The following KTN1 variants were observed in gnomAD, a reference collection of about 807,000 sequenced individuals.
KTN1 encodes kinectin.
A neutral mutation model predicts 222.5 loss-of-function variants in KTN1; 130 were observed. That is an observed-to-expected ratio of 0.58 (90% CI 0.51 to 0.68). The LOEUF (loss-of-function observed/expected upper bound fraction) is 0.68, where lower values mean the gene tolerates loss of function less well. KTN1 is among the 30% of genes least tolerant of loss of function. The pLI is 0.00. For synonymous variants in KTN1, 512 were observed against 496.3 expected (o/e 1.03, Z -0.42); for missense variants, 1,508 against 1,500.4 (o/e 1.01, Z -0.08).
At chr14:55,583,760 G>C (rs13379353) in intron 1 of KTN1, among the ~76,000 whole-genome samples, 12,236 of 152,096 alleles carry the variant, frequency 0.08, 521 homozygotes, top group South Asian at 0.12. Context: ...TTCCACATGT[G>C]CTGTTAGGCC....
chr14:55,677,458 CAG>C (rs952319740), intron 41 of KTN1, among the ~76,000 whole-genome samples: 3 of 119,270 alleles, frequency 2.5e-5, no homozygotes, highest in African/African-American at 1.0e-4. Context: ...GCCTGGGTGA[CAG>C]AGAAAGACTG....
rs371172462 is a variant in KTN1, at chr14:55,620,754, G to C, written c.963+1442G>C. Among the ~76,000 whole-genome samples the C allele has an allele frequency of 5.3e-5, 8 of 152,174 alleles. No homozygotes were observed. In the East Asian group the frequency reaches 1.4e-3, roughly 26 times the overall value. On this transcript the variant is annotated intron_variant, in intron 5 of 43. Coordinates refer to ENST00000395314, the MANE Select transcript of KTN1 (RefSeq NM_001079521.2). The stretch of plus-strand genomic sequence containing the variant: ...CTCAGGAAACCATTTTTTCTTCCTA[G>C]GTCTCCAGCCCATGATAGGAGGGCC...
chr14:55,673,121 A>C, intron 39 of KTN1, 51 bp from the exon 40 acceptor site: 1 of 1,518,480 alleles, frequency 6.6e-7, no homozygotes, highest in East Asian at 2.3e-5. Context: ...TAGCATACAA[A>C]ACATGGGCTA....
chr14:55,673,254 T>G lies in KTN1; in HGVS notation c.3770T>G (p.Leu1257Trp), dbSNP rs1462877732. 1 of 1,606,708 alleles carries G rather than the reference T, an allele frequency of 6.2e-7. No individual in the cohort carries two copies. Among genetic ancestry groups the G allele is most frequent in the East Asian group, 2.2e-5 (1 of 44,744 alleles). The change falls in exon 40 of 44, where the codon TTG becomes TGG. Residue 1257 changes from leucine to tryptophan, a missense_variant and splice_region_variant. Transcript: ENST00000395314. Reference sequence around the variant, plus strand: ...GTAAGACAGAATGAAGAGCTAAATTTGGTAAGAAGCTTGTCCTCCACTGGG... The same window carrying G: ...GTAAGACAGAATGAAGAGCTAAATTGGGTAAGAAGCTTGTCCTCCACTGGG... Reference protein sequence around the residue: ...EAVRQNEELNLLKAQLNETLT... With the variant: ...EAVRQNEELNWLKAQLNETLT...
chr14:55,603,125 TCTCA>T (rs948158515), intron 1 of KTN1, among the ~76,000 whole-genome samples: 4 of 152,308 alleles, frequency 2.6e-5, no homozygotes, highest in Non-Finnish European at 4.4e-5. Context: ...AAACATTGCC[TCTCA>T]CTCCTGCATC....
chr14:55,634,485 T>G (rs964715668), intron 8 of KTN1, 41 bp from the exon 9 acceptor site: 6 of 1,538,328 alleles, frequency 3.9e-6, no homozygotes, highest in Middle Eastern at 1.7e-4. Context: ...TTATATATAT[T>G]TGTAATAACG....
chr14:55,658,653 C>A, intron 30 of KTN1, 39 bp downstream of exon 30: 1 of 1,259,638 alleles, frequency 7.9e-7, no homozygotes, highest in Non-Finnish European at 1.1e-6. Flanking sequence ...ACTTACGTGG[C>A]AAAAAAATTA....
At chr14:55,658,657 A>G (rs1566817838) in intron 30 of KTN1, 43 bp downstream of exon 30, 1 of 1,149,942 alleles carries the variant, frequency 8.7e-7, no homozygotes, top group Non-Finnish European at 1.3e-6. Context: ...ACGTGGCAAA[A>G]AAATTATATA....
chr14:55,650,534 CA>C, intron 23 of KTN1, 34 bp from the exon 24 acceptor site: 1 of 1,562,432 alleles, frequency 6.4e-7, no homozygotes, highest in Non-Finnish European at 8.8e-7. Flanking sequence ...TCTGTGTTTC[CA>C]TTGTCCAATC....
chr14:55,654,449 G>A (rs2043250207), intron 28 of KTN1, among the ~76,000 whole-genome samples: 1 of 151,886 alleles, frequency 6.6e-6, no homozygotes, highest in African/African-American at 2.4e-5. Flanking sequence ...TTATTTGCTT[G>A]GAAAGCTTAG....
chr14:55,656,071 G>A lies in KTN1; in HGVS notation c.2831G>A (p.Arg944Lys). The A allele has an allele frequency of 6.2e-7, 1 of 1,610,274 alleles. No homozygotes were observed. The highest frequency in any genetic ancestry group is 8.5e-7 in the Non-Finnish European group (1 of 1,177,200). ...AAAGAAAAGGAAAATGAATTGAAGAGGTTAGAAGCCATGCTAAAAGAGAGG... is the reference window on the plus strand; with the variant it reads ...AAAGAAAAGGAAAATGAATTGAAGAAGTTAGAAGCCATGCTAAAAGAGAGG... The part of the protein sequence containing the change: ...VLKEKENELK[R>K]LEAMLKERES... The change falls in exon 29 of 44, where the codon AGG becomes AAG. Residue 944 changes from arginine (R) to lysine (K), a missense_variant. Arg to Lys is a conservative substitution (Grantham distance 26, BLOSUM62 2). Coordinates refer to ENST00000395314, the MANE Select transcript of KTN1 (RefSeq NM_001079521.2).
chr14:55,602,585 CTT>C (rs565184612), intron 1 of KTN1, among the ~76,000 whole-genome samples: 22 of 144,388 alleles, frequency 1.5e-4, no homozygotes, highest in Admixed American at 2.1e-4. Context: ...TCAACACTGT[CTT>C]TTTTTTTTTT....
At chr14:55,642,560 G>A (rs947997069) in intron 18 of KTN1, among the ~76,000 whole-genome samples, 1 of 152,148 alleles carries the variant, frequency 6.6e-6, no homozygotes, top group Non-Finnish European at 1.5e-5. Flanking sequence ...GGAAGTTTGC[G>A]TTTGTTCCTA....
intron 35 of KTN1, 130 bp downstream of exon 35, chr14:55,670,939 G>C (rs2045388970): frequency 1.8e-6 from 1 of 545,394 alleles, no homozygotes; most frequent in Non-Finnish European, 3.2e-6. Flanking sequence ...GTAAGAAGGT[G>C]ATTTCATTTT....
At chr14:55,675,958 T>C (rs1486708838) in intron 41 of KTN1, 40 bp downstream of exon 41, 1 of 1,358,228 alleles carries the variant, frequency 7.4e-7, no homozygotes, top group Non-Finnish European at 1.0e-6. Flanking sequence ...ATCATGAGCC[T>C]GTGTTGTGTG....
At chr14:55,658,342 T>C (rs1200042939) in intron 29 of KTN1, among the ~76,000 whole-genome samples, 1 of 152,206 alleles carries the variant, frequency 6.6e-6, no homozygotes, top group Non-Finnish European at 1.5e-5. Flanking sequence ...TTTTGTTCCA[T>C]TGAGACATGC....
intron 1 of KTN1, among the ~76,000 whole-genome samples, chr14:55,611,424 G>A (rs1422967866): frequency 6.6e-6 from 1 of 151,998 alleles, no homozygotes; most frequent in African/African-American, 2.4e-5. Flanking sequence ...AATGCAAAAT[G>A]CCACATCCTA....
chr14:55,651,999 A>G (rs2042970529), intron 25 of KTN1, 72 bp downstream of exon 25: 1 of 955,912 alleles, frequency 1.0e-6, no homozygotes, highest in Admixed American at 2.5e-5. Flanking sequence ...AATGAAAATT[A>G]TAGCTTCTTG....
At chr14:55,580,997 A>G (rs2031389977) in intron 1 of KTN1, among the ~76,000 whole-genome samples, 1 of 152,202 alleles carries the variant, frequency 6.6e-6, no homozygotes, top group African/African-American at 2.4e-5. Context: ...GACTTTGGAA[A>G]AATCCATGGA....
Sources: gnomAD v4.1 joint callset for allele counts (sites outside exome capture counted in the v4.1 genomes callset) on GRCh38, gnomAD v4.1.1 for gene constraint, MANE v1.5 for transcripts, NCBI Gene and HGNC (gene_info 2026-07-23, HGNC 2026-07-21) for gene names.